The following KIR2DL4 variants were observed in gnomAD, a reference collection of about 807,000 sequenced individuals.
KIR2DL4 encodes the protein killer cell immunoglobulin like receptor, two Ig domains and long cytoplasmic tail 4, also known as killer cell immunoglobulin-like receptor 2DL4.
KIR2DL4 carries 41 observed loss-of-function variants against 31.0 expected under a neutral mutation model. The ratio of observed to expected loss-of-function variants is 1.32; its 90% confidence interval spans 1.03 to 1.72. KIR2DL4 has a LOEUF of 1.72. KIR2DL4 is among the 40% of genes most tolerant of loss of function. The pLI, the probability that KIR2DL4 is intolerant of heterozygous loss-of-function variation, is 0.00. For synonymous variants in KIR2DL4, 164 were observed against 133.6 expected, an observed-to-expected ratio of 1.23 and a Z score of -1.57; for missense variants, 438 against 353.7, an observed-to-expected ratio of 1.24 and a Z score of -1.91.
intron 4 of KIR2DL4, among the ~76,000 whole-genome samples, chr19:54,807,806 T>C (rs1211559063): frequency 6.7e-6 from 1 of 148,550 alleles, no homozygotes; most frequent in Non-Finnish European, 1.5e-5. Flanking sequence ...TACATTCCTA[T>C]CAACAGTGTA....
At chr19:54,812,341 G>A (rs2060912336) in intron 5 of KIR2DL4, among the ~76,000 whole-genome samples, 1 of 151,260 alleles carries the variant, frequency 6.6e-6, no homozygotes, top group Non-Finnish European at 1.5e-5. Flanking sequence ...CTGTAGCTGG[G>A]GGAAGCCAGA....
At chr19:54,805,838 G>A in intron 3 of KIR2DL4, 113 bp from the exon 4 acceptor site, 1 of 1,027,274 alleles carries the variant, frequency 9.7e-7, no homozygotes. Flanking sequence ...GAGGGTGAGA[G>A]AGAGAGAGAG....
intron 4 of KIR2DL4, 49 bp from the exon 5 acceptor site, chr19:54,808,784 G>C: frequency 1.5e-6 from 2 of 1,324,922 alleles, no homozygotes; most frequent in Non-Finnish European, 2.2e-6. Context: ...CCATTGAGTA[G>C]AAGACAGGCA....
chr19:54,805,978 C>T (rs777884290), exon 4 of KIR2DL4: 4 of 1,608,786 alleles, frequency 2.5e-6, no homozygotes, highest in African/African-American at 2.7e-5. Context: ...TCGCTTACAG[C>T]CCGGCCGGGC....
At chr19:54,804,466 G>T (rs1339598577) in intron 2 of KIR2DL4, among the ~76,000 whole-genome samples, 13 of 151,160 alleles carry the variant, frequency 8.6e-5, no homozygotes, top group Non-Finnish European at 1.9e-4. Context: ...GAGCTCAGTT[G>T]TTTATTGTGG....
chr19:54,805,034 T>C, exon 3 of KIR2DL4: 1 of 1,610,534 alleles, frequency 6.2e-7, no homozygotes, highest in Non-Finnish European at 8.5e-7. Context: ...ACTCCCCCAC[T>C]GAGTGGTCGG....
chr19:54,806,818 G>A (rs2060560592), intron 4 of KIR2DL4, among the ~76,000 whole-genome samples: 1 of 149,704 alleles, frequency 6.7e-6, no homozygotes. Flanking sequence ...GACCAGCCTG[G>A]CCAACATGGG....
chr19:54,805,094 C>G lies in KIR2DL4; in HGVS notation c.361+17C>G. 6.3e-7 allele frequency: 1 copy of G among 1,577,736 alleles called. No individual in the cohort carries two copies. Among genetic ancestry groups the G allele is most frequent in the Non-Finnish European group, 8.6e-7 (1 of 1,166,068 alleles). ...TGGTCACAGGTCAGAGGGCTCCTGTCTGGGCTTCTCCTTGTCCCACCTCCT... is the reference window on the plus strand; with the variant it reads ...TGGTCACAGGTCAGAGGGCTCCTGTGTGGGCTTCTCCTTGTCCCACCTCCT... On this transcript the variant is annotated intron_variant, in intron 3 of 7. Transcript: ENST00000359085.
chr19:54,804,855 G>A lies in KIR2DL4; in HGVS notation c.139G>A (p.Val47Met), dbSNP rs768094760. 8 of 1,612,240 alleles carry A rather than the reference G, an allele frequency of 5.0e-6. No individual in the cohort carries two copies. Among genetic ancestry groups the A allele is most frequent in the Admixed American group, 3.3e-5 (2 of 59,906 alleles). ...CGCTGTGGTGCCTCAAGGAGGACAC[G>A]TGACTCTTCGGTGTCACTATCGTCG... The change falls in exon 3 of 8, where the codon GTG becomes ATG. Residue 47 changes from valine to methionine, a missense_variant. Val to Met is a conservative substitution (Grantham distance 21). Transcript: ENST00000359085.
intron 5 of KIR2DL4, among the ~76,000 whole-genome samples, chr19:54,812,882 A>T (rs1179482827): frequency 6.9e-6 from 1 of 144,886 alleles, no homozygotes; most frequent in Non-Finnish European, 1.5e-5. Context: ...CTGGGGATTA[A>T]ATTTCAAAGT....
rs2147884798 is a variant in KIR2DL4, at chr19:54,805,083, A to G, written c.361+6A>G. ...CCTGGTGATCATGGTCACAGGTCAG[A>G]GGGCTCCTGTCTGGGCTTCTCCTTG... is the stretch of plus-strand genomic sequence containing the variant. On this transcript the variant is annotated splice_donor_region_variant and intron_variant, in intron 3 of 7. Transcript: ENST00000359085. 6.3e-7 allele frequency: 1 copy of G among 1,593,508 alleles called. No individual in the cohort carries two copies. The highest frequency in any genetic ancestry group is 2.2e-5 in the East Asian group (1 of 44,678).
Position 54,814,193 on chromosome 19 carries a change from G to C in KIR2DL4, c.*393G>C. The C allele has an allele frequency of 3.4e-6, 5 of 1,466,432 alleles. No homozygotes were observed. The South Asian group carries it at 4.7e-5, about 14-fold the overall frequency. The allele number at this position is 1,466,432 out of a possible 1,614,324, so 90.8% of individuals were successfully genotyped here. On this transcript the variant is annotated 3_prime_UTR_variant, in exon 8 of 8. Transcript: ENST00000359085. ...TGTCTCTTGCTTACCAATGTCTAAG[G>C]TCCCCACTGCCTGCTGCAGAGAAAA... is the stretch of plus-strand genomic sequence containing the variant.
rs1342794784 is a variant in KIR2DL4 at position 54,808,899 on chromosome 19, C to T, written c.706+16C>T. On this transcript the variant is annotated intron_variant, in intron 5 of 7. Coordinates refer to ENST00000359085, the Ensembl canonical transcript of KIR2DL4. ...TTCAAAACTGGTAAGTGAAGGACCC[C>T]TCTTATCTCTGCTTTTGGAAACCTG... 2 of 1,597,938 alleles carry T rather than the reference C, an allele frequency of 1.3e-6. No homozygotes were observed. The highest frequency in any genetic ancestry group is 2.2e-5 in the East Asian group (1 of 44,718).
chr19:54,811,225 C>G (rs1467719371), intron 5 of KIR2DL4, among the ~76,000 whole-genome samples: 1 of 150,822 alleles, frequency 6.6e-6, no homozygotes, highest in South Asian at 2.1e-4. Context: ...TGGTGAAACC[C>G]CATCTCTACT....
chr19:54,806,245 G>A lies in KIR2DL4; in HGVS notation c.655+1G>A, dbSNP rs2147901425. ...GACCCACTGCCTGTTTCTGTCACAG[G>A]TGAGGAAAGCCAATGTCTGTCCCAT... On this transcript the variant is annotated splice_donor_variant, in intron 4 of 7. Coordinates refer to ENST00000359085, the Ensembl canonical transcript of KIR2DL4. LOFTEE classifies it high-confidence loss of function. The A allele has an allele frequency of 6.2e-7, 1 of 1,609,158 alleles. No individual in the cohort carries two copies. Among genetic ancestry groups the A allele is most frequent in the Non-Finnish European group, 8.5e-7 (1 of 1,178,316 alleles).
intron 4 of KIR2DL4, 143 bp downstream of exon 4, chr19:54,806,387 G>A (rs2060532171): frequency 2.1e-6 from 2 of 948,642 alleles, no homozygotes; most frequent in Non-Finnish European, 3.2e-6. Context: ...GCACAGGATG[G>A]CAGACAGGGC....
rs374626079 is a variant in KIR2DL4, at chr19:54,806,874, G to C, written c.655+630G>C. Among the ~76,000 whole-genome samples, 11 of 150,736 alleles carry C rather than the reference G, an allele frequency of 7.3e-5. 3 individuals are homozygous for C. Among genetic ancestry groups the C allele is most frequent in the African/African-American group, 2.7e-4 (11 of 40,716 alleles). On this transcript the variant is annotated intron_variant, in intron 4 of 7. Transcript: ENST00000359085. The stretch of plus-strand genomic sequence containing the variant: ...AGACAAAAAAAATAAAATTAGCCAG[G>C]CATGGTGCCAGGCGCCTATAATCCC...
At chr19:54,812,480 A>G (rs1352597773) in intron 5 of KIR2DL4, among the ~76,000 whole-genome samples, 3 of 151,130 alleles carry the variant, frequency 2.0e-5, no homozygotes, top group African/African-American at 4.9e-5. Flanking sequence ...TCCTGATCTC[A>G]GGATGTTGCT....
exon 8 of KIR2DL4, chr19:54,814,245 C>A (rs1435899109): frequency 3.9e-6 from 4 of 1,034,060 alleles, no homozygotes; most frequent in Admixed American, 2.4e-5. Flanking sequence ...GCCCACAATT[C>A]TCTATTTCAC....
Sources: gnomAD v4.1 joint callset for allele counts (sites outside exome capture counted in the v4.1 genomes callset) on GRCh38, gnomAD v4.1.1 for gene constraint, MANE v1.5 for transcripts, NCBI Gene and HGNC (gene_info 2026-07-23, HGNC 2026-07-21) for gene names.